CNTN5: variants seen among roughly 807,000 people sequenced by gnomAD.
The protein encoded by CNTN5 is contactin 5, also known as contactin-5.
CNTN5 carries 77 observed loss-of-function variants against 129.1 expected under a neutral mutation model. The ratio of observed to expected loss-of-function variants is 0.60; its 90% CI spans 0.50 to 0.72. CNTN5 has a LOEUF of 0.72. CNTN5 is among the 30% of genes least tolerant of loss of function. The probability of loss-of-function intolerance (pLI) is 0.00; values close to 1 mark genes in which losing one functional copy is unlikely to be tolerated. For missense variants in CNTN5, 1,478 were observed against 1,328.8 expected (o/e 1.11, Z -1.75); for synonymous variants, 509 against 465.6 (o/e 1.09, Z -1.20).
chr11:100,316,505 A>G (rs1951575405), intron 21 of CNTN5, among the ~76,000 whole-genome samples: 1 of 152,202 alleles, frequency 6.6e-6, no homozygotes, highest in Non-Finnish European at 1.5e-5. Flanking sequence ...CTCTGAAGAA[A>G]CAGTGTGAAT....
At chr11:99,675,500 T>A (rs947693636) in intron 3 of CNTN5, among the ~76,000 whole-genome samples, 4 of 152,030 alleles carry the variant, frequency 2.6e-5, no homozygotes, top group African/African-American at 9.7e-5. Context: ...CTGGGCAACA[T>A]GGTGAAACCC....
intron 1 of CNTN5, among the ~76,000 whole-genome samples, chr11:99,186,593 A>G (rs1169555755): frequency 6.6e-6 from 1 of 152,008 alleles, no homozygotes; most frequent in African/African-American, 2.4e-5. Context: ...AGAATGGTTA[A>G]TGTGACTTTT....
At chr11:99,579,074 T>G (rs1398988777) in intron 3 of CNTN5, among the ~76,000 whole-genome samples, 1 of 152,126 alleles carries the variant, frequency 6.6e-6, no homozygotes, top group African/African-American at 2.4e-5. Context: ...CCAGCACCAT[T>G]TATTAAATAG....
chr11:100,128,813 C>G (rs1456982143), intron 13 of CNTN5, among the ~76,000 whole-genome samples: 1 of 151,996 alleles, frequency 6.6e-6, no homozygotes, highest in Non-Finnish European at 1.5e-5. Flanking sequence ...ACTCCTATGC[C>G]ACCCCCCTAA....
At chr11:99,948,686 T>G (rs562347934) in intron 7 of CNTN5, among the ~76,000 whole-genome samples, 8 of 152,292 alleles carry the variant, frequency 5.3e-5, no homozygotes, top group Admixed American at 1.3e-4. Context: ...ATTTGTAAAA[T>G]AAGGTTACCT....
At chr11:99,237,770 T>G (rs576896319) in intron 1 of CNTN5, among the ~76,000 whole-genome samples, 1 of 152,284 alleles carries the variant, frequency 6.6e-6, no homozygotes, top group Admixed American at 6.5e-5. Context: ...ACTATAGAGA[T>G]AATTTTATGT....
At chr11:99,284,660 T>G (rs950789264) in intron 1 of CNTN5, among the ~76,000 whole-genome samples, 4 of 119,494 alleles carry the variant, frequency 3.3e-5, no homozygotes, top group African/African-American at 6.2e-5. Flanking sequence ...TGTGTGTGTG[T>G]GGTGTGTGTA....
At chr11:100,114,263 G>A (rs80307782) in intron 13 of CNTN5, among the ~76,000 whole-genome samples, 2,945 of 152,124 alleles carry the variant, frequency 0.019, 94 homozygotes, top group African/African-American at 0.066. Context: ...GGTTGTTTCT[G>A]TGGGTAAACT....
At position 99,678,999 on chromosome 11, in the gene CNTN5, ATATT is replaced by A. The variant is rs879293449; in HGVS notation, c.55+122738_55+122741del. Among the ~76,000 whole-genome samples the A allele has an allele frequency of 4.7e-5, 7 of 147,584 alleles. No individual in the cohort carries two copies. In the South Asian group the frequency reaches 6.3e-4, roughly 13 times the overall value. On this transcript the variant is annotated intron_variant, in intron 3 of 24. Coordinates refer to ENST00000524871, the MANE Select transcript of CNTN5 (RefSeq NM_014361.4). ...TATATATAAAATTCCATAAATATAC[ATATT>A]TATTTATATATTTCTTTTAAATATA...
chr11:100,280,889 T>G (rs1344312452), intron 18 of CNTN5, among the ~76,000 whole-genome samples: 1 of 152,160 alleles, frequency 6.6e-6, no homozygotes, highest in Non-Finnish European at 1.5e-5. Context: ...AAATACTGGC[T>G]TATAACCAAT....
At chr11:99,066,690 G>A (rs1303205979) in intron 1 of CNTN5, among the ~76,000 whole-genome samples, 2 of 152,086 alleles carry the variant, frequency 1.3e-5, no homozygotes, top group African/African-American at 4.8e-5. Flanking sequence ...ATGCCTCCAA[G>A]ATCTGACTAT....
chr11:100,267,288 GAGAGAA>G (rs1278944670), intron 17 of CNTN5, among the ~76,000 whole-genome samples: 1 of 92,162 alleles, frequency 1.1e-5, no homozygotes, highest in African/African-American at 3.4e-5. Flanking sequence ...CACAGAGAGA[GAGAGAA>G]AGAGAGAGTG....
At chr11:99,913,998 C>G (rs144488992) in intron 6 of CNTN5, among the ~76,000 whole-genome samples, 1 of 151,984 alleles carries the variant, frequency 6.6e-6, no homozygotes, top group African/African-American at 2.4e-5. Context: ...CCCTATAATC[C>G]CAGTACTTTG....
At chr11:99,678,215 T>G (rs1341457920) in intron 3 of CNTN5, among the ~76,000 whole-genome samples, 1 of 152,126 alleles carries the variant, frequency 6.6e-6, no homozygotes, top group South Asian at 2.1e-4. Flanking sequence ...AATATTGCTT[T>G]TCTACAAAAG....
At chr11:99,588,343 C>CAAAAA (rs149362368) in intron 3 of CNTN5, among the ~76,000 whole-genome samples, 5 of 93,040 alleles carry the variant, frequency 5.4e-5, no homozygotes, top group South Asian at 4.3e-4. Context: ...GACTCCTTCT[C>CAAAAA]AAAAAAAAAA....
At chr11:100,299,517 C>A in intron 20 of CNTN5, 121 bp downstream of exon 20, 2 of 575,786 alleles carry the variant, frequency 3.5e-6, no homozygotes, top group South Asian at 8.3e-5. Context: ...TTCATAATCT[C>A]ACTAAACTTT....
intron 13 of CNTN5, among the ~76,000 whole-genome samples, chr11:100,146,832 T>G (rs765017419): frequency 6.6e-6 from 1 of 152,178 alleles, no homozygotes; most frequent in Non-Finnish European, 1.5e-5. Context: ...TGAACATCTT[T>G]AAGTATACAT....
intron 13 of CNTN5, among the ~76,000 whole-genome samples, chr11:100,159,962 A>C (rs2138354153): frequency 6.6e-6 from 1 of 151,802 alleles, no homozygotes; most frequent in African/African-American, 2.4e-5. Flanking sequence ...AGTTCTGGGG[A>C]TACATAGGCA....
intron 3 of CNTN5, among the ~76,000 whole-genome samples, chr11:99,760,599 C>A (rs555867013): frequency 1.3e-5 from 2 of 152,162 alleles, no homozygotes; most frequent in South Asian, 4.1e-4. Context: ...TGAGTGAATA[C>A]CATTGTAAAT....
Sources: gnomAD v4.1 joint callset for allele counts (sites outside exome capture counted in the v4.1 genomes callset) on GRCh38, gnomAD v4.1.1 for gene constraint, MANE v1.5 for transcripts, NCBI Gene and HGNC (gene_info 2026-07-23, HGNC 2026-07-21) for gene names.